The following RPRD2 variants were observed in gnomAD, a reference collection of about 807,000 sequenced individuals.
RPRD2 encodes the protein regulation of nuclear pre-mRNA domain containing 2.
Under a neutral mutation model 104.4 loss-of-function variants are expected in RPRD2, and 12 were observed. That is an observed-to-expected ratio of 0.11 (90% confidence interval 0.07 to 0.19). The LOEUF (loss-of-function observed/expected upper bound fraction) is 0.19, where lower values mean the gene tolerates loss of function less well. Ranked by LOEUF, RPRD2 falls within the 10% of genes least tolerant of loss-of-function variation. The pLI, the probability that RPRD2 is intolerant of heterozygous loss-of-function variation, is 1.00. For missense variants in RPRD2, 1,543 were observed against 1,790.1 expected, an observed-to-expected ratio of 0.86 and a Z score of 2.49; for synonymous variants, 714 against 684.9, an observed-to-expected ratio of 1.04 and a Z score of -0.66.
intron 1 of RPRD2, among the ~76,000 whole-genome samples, chr1:150,391,874 C>G (rs1662099034): frequency 6.6e-6 from 1 of 152,008 alleles, no homozygotes; most frequent in African/African-American, 2.4e-5. Context: ...CACCACTGCA[C>G]TCCAGCCTGG....
intron 1 of RPRD2, among the ~76,000 whole-genome samples, chr1:150,383,418 G>T (rs1302296080): frequency 1.3e-5 from 2 of 150,230 alleles, no homozygotes; most frequent in Admixed American, 6.7e-5. Context: ...AGGTTCAAGC[G>T]ATTCTCCTGC....
At chr1:150,440,025 G>T (rs1397619352) in intron 2 of RPRD2, among the ~76,000 whole-genome samples, 1 of 151,346 alleles carries the variant, frequency 6.6e-6, no homozygotes, top group African/African-American at 2.4e-5. Flanking sequence ...TTGCAGTGTT[G>T]TGATCACCAG....
chr1:150,424,666 A>ATT (rs1553890275), intron 2 of RPRD2, among the ~76,000 whole-genome samples: 1 of 152,174 alleles, frequency 6.6e-6, no homozygotes, highest in East Asian at 1.9e-4. Flanking sequence ...GAAAATGACA[A>ATT]TTTAGTAAAA....
intron 2 of RPRD2, among the ~76,000 whole-genome samples, chr1:150,433,071 C>A (rs1553892248): frequency 1.3e-5 from 2 of 152,024 alleles, no homozygotes; most frequent in African/African-American, 4.8e-5. Context: ...ATTATATACT[C>A]TGATGTCATT....
intron 2 of RPRD2, among the ~76,000 whole-genome samples, chr1:150,417,930 CT>C (rs1324287451): frequency 2.7e-5 from 4 of 147,890 alleles, no homozygotes; most frequent in African/African-American, 1.0e-4. Flanking sequence ...CTCTTTCTTT[CT>C]TTCTTCCTTT....
chr1:150,387,628 G>A (rs1553882165), intron 1 of RPRD2, among the ~76,000 whole-genome samples: 1 of 94,700 alleles, frequency 1.1e-5, no homozygotes, highest in African/African-American at 4.2e-5. Flanking sequence ...TTTCACTCTT[G>A]TCACCCAGGC....
intron 1 of RPRD2, among the ~76,000 whole-genome samples, chr1:150,390,422 C>G (rs1367031405): frequency 1.3e-5 from 2 of 152,174 alleles, no homozygotes; most frequent in Admixed American, 1.3e-4. Context: ...TCGCTTGAAT[C>G]TGGGAGGCAG....
intron 9 of RPRD2, 127 bp downstream of exon 9, chr1:150,460,444 C>T: frequency 2.0e-6 from 2 of 981,290 alleles, no homozygotes; most frequent in East Asian, 5.3e-5. Flanking sequence ...CGCTCTGTCT[C>T]CCAGGCAGGA....
At chr1:150,427,754 A>G (rs1665253394) in intron 2 of RPRD2, among the ~76,000 whole-genome samples, 1 of 152,122 alleles carries the variant, frequency 6.6e-6, no homozygotes, top group African/African-American at 2.4e-5. Flanking sequence ...AGCCATAATC[A>G]TGCTATTGCA....
chr1:150,467,993 C>CAA (rs1422851295), intron 10 of RPRD2, among the ~76,000 whole-genome samples: 1 of 149,854 alleles, frequency 6.7e-6, no homozygotes, highest in African/African-American at 2.5e-5. Context: ...CCTGTCTTTC[C>CAA]AAAAAAAAAT....
intron 7 of RPRD2, among the ~76,000 whole-genome samples, chr1:150,449,388 A>G (rs587613234): frequency 1.1e-4 from 16 of 151,912 alleles, no homozygotes; most frequent in African/African-American, 3.9e-4. Flanking sequence ...CTACTTATTG[A>G]TATGCTTGGG....
chr1:150,433,943 AGGC>A (rs1665825673), intron 2 of RPRD2, among the ~76,000 whole-genome samples: 1 of 149,068 alleles, frequency 6.7e-6, no homozygotes, highest in African/African-American at 2.4e-5. Flanking sequence ...ACACACACAG[AGGC>A]ATATAATTTG....
intron 1 of RPRD2, among the ~76,000 whole-genome samples, chr1:150,385,283 T>C (rs1249317327): frequency 2.0e-5 from 3 of 151,692 alleles, no homozygotes; most frequent in Non-Finnish European, 2.9e-5. Context: ...GCAACATATT[T>C]AAGAGTCCAT....
chr1:150,413,466 G>T (rs1326895604), intron 1 of RPRD2, among the ~76,000 whole-genome samples: 2 of 152,142 alleles, frequency 1.3e-5, no homozygotes, highest in Admixed American at 1.3e-4. Flanking sequence ...AGCTGGGTGC[G>T]GTGGCGCATG....
intron 9 of RPRD2, among the ~76,000 whole-genome samples, chr1:150,461,555 T>C (rs782575158): frequency 7.2e-5 from 11 of 152,156 alleles, no homozygotes; most frequent in Non-Finnish European, 1.6e-4. Context: ...TTTACTGTTA[T>C]GAAGAATACT....
intron 1 of RPRD2, among the ~76,000 whole-genome samples, chr1:150,383,353 A>G (rs1221842591): frequency 7.7e-6 from 1 of 130,352 alleles, no homozygotes; most frequent in Non-Finnish European, 1.5e-5. Flanking sequence ...TCTGTTGCCT[A>G]GGCTGGAGTG....
At chr1:150,398,269 T>C (rs1227300291) in intron 1 of RPRD2, among the ~76,000 whole-genome samples, 4 of 152,022 alleles carry the variant, frequency 2.6e-5, no homozygotes, top group Non-Finnish European at 5.9e-5. Context: ...CGATCTCGGC[T>C]CACTGCAAGC....
chr1:150,431,473 ATTTTTTT>A lies in RPRD2; in HGVS notation c.336-9432_336-9426del, dbSNP rs1160491386. 1.5e-4 allele frequency among the ~76,000 whole-genome samples: 12 copies of A among 78,844 alleles called. No homozygotes were observed. In the South Asian group the frequency reaches 3.7e-3, roughly 24 times the overall value. 51.7% of individuals were successfully genotyped at this position (78,844 alleles called of 152,430 possible). ...TATTATTCAGTCTTAAAAAGGAAGG[ATTTTTTT>A]TTTTTTTTTTTTTTTTTGAGACGGG... On this transcript the variant is annotated intron_variant, in intron 2 of 10. Coordinates refer to ENST00000369068, the MANE Select transcript of RPRD2 (RefSeq NM_015203.5).
intron 2 of RPRD2, among the ~76,000 whole-genome samples, chr1:150,429,762 T>G (rs1553891266): frequency 1.3e-5 from 2 of 152,248 alleles, no homozygotes; most frequent in East Asian, 1.9e-4. Flanking sequence ...AAGAAACAGT[T>G]GTTTGTATAT....
Sources: allele counts gnomAD v4.1 joint callset (sites outside exome capture counted in the v4.1 genomes callset), GRCh38; gene constraint gnomAD v4.1.1; transcripts MANE v1.5; gene names NCBI Gene and HGNC (gene_info 2026-07-23, HGNC 2026-07-21).